Variants in GPR89A observed in about 807,000 individuals in gnomAD.
GPR89A encodes the protein G protein-coupled receptor 89A.
A neutral mutation model predicts 52.0 loss-of-function variants in GPR89A; 16 were observed. The observed-to-expected ratio is 0.31, with a 90% CI of 0.21 to 0.47. GPR89A has a LOEUF of 0.47. GPR89A is among the 20% of genes least tolerant of loss of function. The pLI, the probability that GPR89A is intolerant of heterozygous loss-of-function variation, is 1.00. For missense variants in GPR89A, 135 were observed against 449.4 expected (o/e 0.30, Z 6.33); for synonymous variants, 55 against 150.9 (o/e 0.36, Z 4.66).
intron 10 of GPR89A, among the ~76,000 whole-genome samples, chr1:145,652,823 G>A (rs370880387): frequency 1.4e-5 from 2 of 148,050 alleles, no homozygotes; most frequent in East Asian, 3.9e-4. Context: ...ATTTCTGTGG[G>A]ATCAGTGGTG....
chr1:145,628,472 G>A (rs1419829661), intron 5 of GPR89A, among the ~76,000 whole-genome samples: 18 of 151,930 alleles, frequency 1.2e-4, no homozygotes, highest in East Asian at 3.9e-4. Context: ...CCATAGTGTC[G>A]TAGTGGTTAA....
intron 10 of GPR89A, among the ~76,000 whole-genome samples, chr1:145,657,650 A>G (rs1553694756): frequency 1.3e-5 from 2 of 151,796 alleles, no homozygotes; most frequent in East Asian, 3.9e-4. Context: ...TTTTTAAACT[A>G]CCAATTCATT....
intron 10 of GPR89A, among the ~76,000 whole-genome samples, chr1:145,654,238 T>C (rs1175461576): frequency 6.6e-6 from 1 of 152,162 alleles, no homozygotes; most frequent in Non-Finnish European, 1.5e-5. Context: ...GATAGGAAAT[T>C]CTGGGTTGGA....
At chr1:145,653,188 T>C (rs1339621767) in intron 10 of GPR89A, among the ~76,000 whole-genome samples, 1 of 151,272 alleles carries the variant, frequency 6.6e-6, no homozygotes, top group Non-Finnish European at 1.5e-5. Context: ...TTTGTTCTCA[T>C]AGTATCAAAT....
intron 10 of GPR89A, among the ~76,000 whole-genome samples, chr1:145,657,966 T>G (rs1553694790): frequency 6.6e-6 from 1 of 151,946 alleles, no homozygotes; most frequent in African/African-American, 2.4e-5. Flanking sequence ...TTTTGAACAT[T>G]TTTATCAAGC....
At chr1:145,631,911 G>C (rs1421145225) in intron 7 of GPR89A, among the ~76,000 whole-genome samples, 167 bp downstream of exon 7, 1 of 51,506 alleles carries the variant, frequency 1.9e-5, no homozygotes, top group Admixed American at 2.2e-4. Context: ...TGTGATCCCA[G>C]CACTTTGGGA....
intron 8 of GPR89A, chr1:145,645,907 T>G (rs1459394756): frequency 3.7e-6 from 2 of 545,986 alleles, no homozygotes; most frequent in Admixed American, 3.1e-5. Context: ...TCTAACTAGT[T>G]AAATCAAAAA....
intron 10 of GPR89A, among the ~76,000 whole-genome samples, chr1:145,654,488 G>C (rs1651674180): frequency 6.8e-6 from 1 of 147,016 alleles, no homozygotes; most frequent in South Asian, 2.2e-4. Flanking sequence ...AGGAGGTGGA[G>C]GTTGCAGTGA....
At chr1:145,647,401 A>G in intron 10 of GPR89A, 134 bp downstream of exon 10, 1 of 1,146,340 alleles carries the variant, frequency 8.7e-7, no homozygotes, top group Non-Finnish European at 1.2e-6. Context: ...ATGATCTTCC[A>G]CATCTCTGGG....
At chr1:145,621,808 A>AG (rs1649158059) in intron 3 of GPR89A, among the ~76,000 whole-genome samples, 1 of 152,000 alleles carries the variant, frequency 6.6e-6, no homozygotes, top group African/African-American at 2.4e-5. Flanking sequence ...AATGGCCAGT[A>AG]AGCACATATG....
At chr1:145,647,574 C>T (rs1651089841) in intron 10 of GPR89A, among the ~76,000 whole-genome samples, 1 of 151,632 alleles carries the variant, frequency 6.6e-6, no homozygotes, top group South Asian at 2.1e-4. Flanking sequence ...GAGGCCAAGG[C>T]AGGCATATCA....
In GPR89A at chr1:145,623,163, A is replaced by G. The variant is rs782792541; in HGVS notation, c.313+3A>G. ...TATTGTGAGCAATATCCGACTACGT[A>G]AGTATTTTACCCTCTCAGTCAGCAT... On this transcript the variant is annotated splice_donor_region_variant and intron_variant, in intron 4 of 13. Coordinates refer to ENST00000313835, the MANE Select transcript of GPR89A (RefSeq NM_001097612.2). 9 of 1,613,224 alleles carry G rather than the reference A, an allele frequency of 5.6e-6. No individual in the cohort carries two copies. The highest frequency in any genetic ancestry group is 1.7e-4 in the Middle Eastern group (1 of 6,052).
chr1:145,639,475 A>G (rs2624741), intron 7 of GPR89A, among the ~76,000 whole-genome samples: 11 of 152,124 alleles, frequency 7.2e-5, no homozygotes, highest in East Asian at 1.9e-4. Flanking sequence ...GGCCAGGCAC[A>G]GTGGCTCACG....
chr1:145,639,619 C>T (rs1439834828), intron 7 of GPR89A, among the ~76,000 whole-genome samples: 3 of 151,296 alleles, frequency 2.0e-5, no homozygotes, highest in Admixed American at 6.6e-5. Flanking sequence ...TGGTGGCATG[C>T]GCCTGTAGTC....
At chr1:145,609,734 TTATAATCA>T (rs1355427982) in intron 1 of GPR89A, among the ~76,000 whole-genome samples, 1 of 152,248 alleles carries the variant, frequency 6.6e-6, no homozygotes, top group Non-Finnish European at 1.5e-5. Context: ...TTTGTATGCC[TTATAATCA>T]TAGACTTTCA....
intron 3 of GPR89A, among the ~76,000 whole-genome samples, chr1:145,620,884 G>C (rs1178786472): frequency 8.5e-5 from 13 of 152,150 alleles, no homozygotes; most frequent in African/African-American, 2.4e-4. Flanking sequence ...CTTTTAATAG[G>C]CAGTCCATAC....
At chr1:145,660,183 G>C (rs1291731938) in intron 10 of GPR89A, among the ~76,000 whole-genome samples, 3 of 152,104 alleles carry the variant, frequency 2.0e-5, no homozygotes, top group African/African-American at 7.2e-5. Context: ...ACAAACCTGA[G>C]AAAAACAAGC....
intron 10 of GPR89A, among the ~76,000 whole-genome samples, chr1:145,647,879 CTATA>C (rs782172827): frequency 0.067 from 1,635 of 24,530 alleles, 105 homozygotes; most frequent in Admixed American, 0.075. Flanking sequence ...CTCTCTCTCT[CTATA>C]TATATATATA....
chr1:145,667,754 T>G (rs1652673672), intron 12 of GPR89A, among the ~76,000 whole-genome samples: 1 of 152,124 alleles, frequency 6.6e-6, no homozygotes, highest in African/African-American at 2.4e-5. Context: ...TTGTATAAGG[T>G]GTAAGGAAGG....
Sources: allele counts gnomAD v4.1 joint callset (sites outside exome capture counted in the v4.1 genomes callset), GRCh38; gene constraint gnomAD v4.1.1; transcripts MANE v1.5; gene names NCBI Gene and HGNC (gene_info 2026-07-23, HGNC 2026-07-21).